TBX20: variants seen among roughly 807,000 people sequenced by gnomAD.
The protein encoded by TBX20 is T-box transcription factor TBX20.
TBX20 carries 8 observed loss-of-function variants against 42.9 expected under a neutral mutation model. That is an observed-to-expected ratio of 0.19 (90% CI 0.11 to 0.34). The LOEUF is 0.34. Among genes scored for constraint, TBX20 ranks in the 10% least tolerant of loss-of-function variants. TBX20 has a pLI of 1.00. For synonymous variants in TBX20, 198 were observed against 222.8 expected (o/e 0.89, Z 0.99); for missense variants, 411 against 566.0 (o/e 0.73, Z 2.78).
chr7:35,245,319 G>GGTGTGTGT (rs61706700), intron 3 of TBX20, among the ~76,000 whole-genome samples: 32,487 of 146,274 alleles, frequency 0.22, 3,783 homozygotes, highest in East Asian at 0.31. Flanking sequence ...TGTTTAAAGG[G>GGTGTGTGT]GTGTGTGTGT....
At chr7:35,239,618 C>T (rs565439062) in intron 5 of TBX20, among the ~76,000 whole-genome samples, 21 of 152,306 alleles carry the variant, frequency 1.4e-4, no homozygotes, top group East Asian at 3.9e-4. Flanking sequence ...CTTAAGCTTA[C>T]GCTGGGCACA....
intron 7 of TBX20, among the ~76,000 whole-genome samples, chr7:35,204,228 T>C (rs1163684867): frequency 6.6e-6 from 1 of 151,972 alleles, no homozygotes; most frequent in African/African-American, 2.4e-5. Flanking sequence ...TCAGTATTCT[T>C]TCACTTAAAA....
chr7:35,233,427 G>A lies in TBX20; in HGVS notation c.814-1847C>T, dbSNP rs376780720. ...GCTATGAGCATTGGTAAACAGGGAA[G>A]CAAATAAACTACATAAATCAGAAAC... On this transcript the variant is annotated intron_variant, in intron 5 of 7. Coordinates refer to ENST00000408931, the MANE Select transcript of TBX20 (RefSeq NM_001077653.2). Among the ~76,000 whole-genome samples the A allele has an allele frequency of 1.1e-4, 16 of 152,312 alleles. No homozygotes were observed. The East Asian group carries it at 1.9e-3, about 18-fold the overall frequency.
rs536633733 is a variant in TBX20, at chr7:35,253,711, A to C, written c.-91T>G. On this transcript the variant is annotated 5_prime_UTR_variant, in exon 1 of 8. Transcript: ENST00000408931. The stretch of plus-strand genomic sequence containing the variant: ...GAGACAAAGACCCGAAACACAGCTC[A>C]AAGTTTCCGAGAGCAGTCACAGCGG... 1.2e-5 allele frequency: 19 copies of C among 1,534,304 alleles called. No individual in the cohort carries two copies. The highest frequency in any genetic ancestry group is 2.4e-4 in the Middle Eastern group (1 of 4,118).
intron 6 of TBX20, among the ~76,000 whole-genome samples, chr7:35,225,723 G>T (rs1389780100): frequency 1.3e-5 from 2 of 152,076 alleles, no homozygotes; most frequent in African/African-American, 4.8e-5. Flanking sequence ...TCCCTCCCAG[G>T]TTATTATATA....
intron 6 of TBX20, among the ~76,000 whole-genome samples, chr7:35,227,851 T>G (rs1021681485): frequency 6.6e-6 from 1 of 152,136 alleles, no homozygotes; most frequent in African/African-American, 2.4e-5. Context: ...AGTTTCTGTT[T>G]GGGATGATGA....
At chr7:35,207,726 T>C (rs895388099) in intron 6 of TBX20, among the ~76,000 whole-genome samples, 4 of 152,228 alleles carry the variant, frequency 2.6e-5, no homozygotes, top group African/African-American at 7.2e-5. Context: ...CATTACTTGT[T>C]GAGAAGACTG....
chr7:35,244,653 T>A (rs1790145094), intron 4 of TBX20, among the ~76,000 whole-genome samples: 1 of 152,174 alleles, frequency 6.6e-6, no homozygotes, highest in Admixed American at 6.5e-5. Flanking sequence ...AAATGTATAT[T>A]CCCTTAGTTT....
chr7:35,246,049 C>G (rs578150546), intron 3 of TBX20, among the ~76,000 whole-genome samples: 2 of 152,198 alleles, frequency 1.3e-5, no homozygotes, highest in African/African-American at 4.8e-5. Flanking sequence ...TTTACTAGGG[C>G]AAAAGCAAGG....
chr7:35,202,465 G>A lies in TBX20; in HGVS notation c.1309C>T (p.Arg437Cys), dbSNP rs200704561. 124 of 1,605,334 alleles carry A rather than the reference G, an allele frequency of 7.7e-5. No individual in the cohort carries two copies. Among genetic ancestry groups the A allele is most frequent in the African/African-American group, 5.1e-4 (38 of 74,582 alleles). The change falls in exon 8 of 8, where the codon CGC becomes TGC. Residue 437 changes from arginine to cysteine, a missense_variant. Transcript: ENST00000408931. ...QGPYAAIQGL[R>C]HSSAVMTPFV ...GGCGTCATCACAGCAGAGGAATGGCGTAGTCCTTGAATGGCAGCATAGGGC... is the reference window on the plus strand; with the variant it reads ...GGCGTCATCACAGCAGAGGAATGGCATAGTCCTTGAATGGCAGCATAGGGC...
At chr7:35,246,705 C>G (rs780356620) in intron 3 of TBX20, among the ~76,000 whole-genome samples, 2 of 152,026 alleles carry the variant, frequency 1.3e-5, no homozygotes, top group Non-Finnish European at 2.9e-5. Flanking sequence ...CTTCAAAGTC[C>G]TAAAACCATG....
At chr7:35,209,545 A>G (rs887163508) in intron 6 of TBX20, among the ~76,000 whole-genome samples, 11 of 151,998 alleles carry the variant, frequency 7.2e-5, no homozygotes, top group African/African-American at 2.7e-4. Flanking sequence ...GGTAATTTAT[A>G]TTTTCTTCCC....
chr7:35,253,857 A>C lies in TBX20; in HGVS notation c.-237T>G. ...AAGGCAGCCGGAGAGGAGAGGGCCC[A>C]CCGAGCACTACGGCGGGTGCGCACG... is the stretch of plus-strand genomic sequence containing the variant. On this transcript the variant is annotated 5_prime_UTR_variant, in exon 1 of 8. Transcript: ENST00000408931. The C allele has an allele frequency of 1.9e-6, 1 of 538,338 alleles. No homozygotes were observed. Among genetic ancestry groups the C allele is most frequent in the Non-Finnish European group, 3.3e-6 (1 of 305,526 alleles). The allele number at this position is 538,338 out of a possible 1,614,324, so 33.3% of individuals were successfully genotyped here. A position where few individuals can be genotyped will look rare whatever the true frequency, so the allele number is the denominator to read the frequency against.
chr7:35,237,897 T>C (rs751948935), intron 5 of TBX20, among the ~76,000 whole-genome samples: 3 of 152,140 alleles, frequency 2.0e-5, no homozygotes, highest in Middle Eastern at 6.8e-3. Context: ...GAGCTGATGC[T>C]CTCTAAAATC....
intron 4 of TBX20, among the ~76,000 whole-genome samples, chr7:35,242,039 A>T (rs1297808940): frequency 1.3e-5 from 2 of 151,418 alleles, no homozygotes; most frequent in Non-Finnish European, 2.9e-5. Flanking sequence ...CGGGACTCTC[A>T]GGAGACATCT....
chr7:35,230,305 C>A (rs116129258), intron 6 of TBX20, among the ~76,000 whole-genome samples: 3,180 of 152,286 alleles, frequency 0.021, 96 homozygotes, highest in African/African-American at 0.071. Context: ...ATTTGAGTTA[C>A]CACTTGCCTT....
intron 6 of TBX20, among the ~76,000 whole-genome samples, chr7:35,213,714 G>A (rs1011529166): frequency 2.0e-5 from 3 of 151,930 alleles, no homozygotes; most frequent in Non-Finnish European, 4.4e-5. Flanking sequence ...ATGAATAGAT[G>A]AGTAGGTGAT....
Position 35,253,530 on chromosome 7 carries a change from C to T in TBX20, c.91G>A (p.Glu31Lys), listed in dbSNP as rs1388738405. ...ATTGTGTTCTCCGTCGCCTCCTTCT[C>T]CTTAGAGCCGCCGCTCGACATGAGC... ...AALMSSGGSKEKEATENTIKP... is the reference protein window; with the variant it reads ...AALMSSGGSKKKEATENTIKP... The change falls in exon 1 of 8, where the codon GAG becomes AAG. Residue 31 changes from glutamate to lysine, a missense_variant. Physicochemically the swap from Glu to Lys is moderately conservative, Grantham distance 56. Around this residue, in one of 5 missense-constraint regions of TBX20, gnomAD observed 114 missense variants for 128.0 expected, o/e 0.89. Transcript: ENST00000408931. The T allele has an allele frequency of 3.7e-6, 6 of 1,612,698 alleles. No homozygotes were observed. The highest frequency in any genetic ancestry group is 5.1e-6 in the Non-Finnish European group (6 of 1,179,884).
chr7:35,250,268 C>G, intron 1 of TBX20, 65 bp from the exon 2 acceptor site: 2 of 1,448,204 alleles, frequency 1.4e-6, no homozygotes, highest in Middle Eastern at 1.7e-4. Context: ...CTGGAAAGAA[C>G]AGCATAACCA....
Sources: allele counts gnomAD v4.1 joint callset (sites outside exome capture counted in the v4.1 genomes callset), GRCh38; gene constraint gnomAD v4.1.1; regional missense constraint gnomAD v4.1.1; transcripts MANE v1.5; gene names NCBI Gene and HGNC (gene_info 2026-07-23, HGNC 2026-07-21).